Variants in PRKCE observed in about 807,000 individuals in gnomAD.
PRKCE encodes protein kinase C epsilon.
PRKCE carries 16 observed loss-of-function variants against 85.4 expected under a neutral mutation model. The observed-to-expected ratio is 0.19, with a 90% CI of 0.13 to 0.28. PRKCE has a LOEUF of 0.28. Among genes scored for constraint, PRKCE ranks in the 10% least tolerant of loss-of-function variants. The probability of loss-of-function intolerance (pLI) is 1.00; values close to 1 mark genes in which losing one functional copy is unlikely to be tolerated. For missense variants in PRKCE, 573 were observed against 975.2 expected (o/e 0.59, Z 5.49); for synonymous variants, 388 against 371.5 (o/e 1.04, Z -0.51).
intron 1 of PRKCE, among the ~76,000 whole-genome samples, chr2:45,725,581 C>T (rs1398528540): frequency 1.3e-5 from 2 of 152,052 alleles, no homozygotes; most frequent in East Asian, 1.9e-4. Context: ...ATCTGTAATC[C>T]CAGCACTTTG....
rs144485889 is a variant in PRKCE, at chr2:45,907,518, C to T, written c.412+64455C>T. ...AAGCACACTTCTGAGGGCGTCATCGCAGGCCCTGTTCATCTCTCCGGGCAG... is the reference window on the plus strand; with the variant it reads ...AAGCACACTTCTGAGGGCGTCATCGTAGGCCCTGTTCATCTCTCCGGGCAG... On this transcript the variant is annotated intron_variant, in intron 2 of 14. Coordinates refer to ENST00000306156, the MANE Select transcript of PRKCE (RefSeq NM_005400.3). This position sits in a 1 kb window ranked among gnomAD's most constrained non-coding sequence, Gnocchi z 4.5. Among the ~76,000 whole-genome samples the T allele has an allele frequency of 3.3e-5, 5 of 152,358 alleles. No homozygotes were observed. The East Asian group carries it at 9.6e-4, about 29-fold the overall frequency.
At chr2:45,990,098 G>A (rs1703668998) in intron 6 of PRKCE, among the ~76,000 whole-genome samples, 1 of 152,176 alleles carries the variant, frequency 6.6e-6, no homozygotes, top group Admixed American at 6.5e-5. Flanking sequence ...AGTTTCCGCT[G>A]GTCAGAAATC....
chr2:45,770,535 G>A (rs1029647274), intron 1 of PRKCE, among the ~76,000 whole-genome samples: 1 of 152,148 alleles, frequency 6.6e-6, no homozygotes, highest in African/African-American at 2.4e-5. Context: ...TGTTGGTTGA[G>A]CGTCCTACCT....
chr2:46,027,747 A>G (rs1415236944), intron 10 of PRKCE, among the ~76,000 whole-genome samples: 3 of 152,172 alleles, frequency 2.0e-5, no homozygotes, highest in African/African-American at 2.4e-5. Flanking sequence ...TTTTGGCAGT[A>G]TGATCTGTCT....
intron 1 of PRKCE, among the ~76,000 whole-genome samples, chr2:45,683,660 A>G (rs1008168639): frequency 2.0e-5 from 3 of 152,228 alleles, no homozygotes; most frequent in Non-Finnish European, 4.4e-5. Context: ...AGCAGTATTT[A>G]TGGCAAGTTC....
At chr2:46,106,533 G>A (rs1213593727) in intron 11 of PRKCE, among the ~76,000 whole-genome samples, 1 of 152,216 alleles carries the variant, frequency 6.6e-6, no homozygotes, top group African/African-American at 2.4e-5. Flanking sequence ...CTGGAGGCTG[G>A]ATGTTCAAGA....
At chr2:45,811,444 C>T (rs370514448) in intron 1 of PRKCE, among the ~76,000 whole-genome samples, 16 of 152,150 alleles carry the variant, frequency 1.1e-4, no homozygotes, top group African/African-American at 3.6e-4. Flanking sequence ...GTTTGTGAAT[C>T]CATAGATTCT....
At chr2:45,664,475 G>A (rs2103778742) in intron 1 of PRKCE, among the ~76,000 whole-genome samples, 2 of 152,308 alleles carry the variant, frequency 1.3e-5, no homozygotes, top group South Asian at 4.1e-4. Context: ...GCTTCTGTTT[G>A]GGGATTTTAT....
At chr2:45,778,361 C>A (rs753955784) in intron 1 of PRKCE, among the ~76,000 whole-genome samples, 2 of 152,108 alleles carry the variant, frequency 1.3e-5, no homozygotes, top group Admixed American at 1.3e-4. Flanking sequence ...CATGCCTGGC[C>A]GCTTAGCTCC....
intron 10 of PRKCE, among the ~76,000 whole-genome samples, chr2:46,038,458 C>A (rs542303516): frequency 6.6e-6 from 1 of 152,032 alleles, no homozygotes; most frequent in African/African-American, 2.4e-5. Flanking sequence ...GGATATCTCA[C>A]GGGCCAAAAG....
Position 46,076,807 on chromosome 2 carries a change from A to T in PRKCE, c.1438-9401A>T, listed in dbSNP as rs1365118606. On this transcript the variant is annotated intron_variant, in intron 10 of 14. Transcript: ENST00000306156. ...CCATGTCTACAGGCAATGGAATATT[A>T]TTTAACCTTAAAAAAAGAAAGAAAT... 2.6e-5 allele frequency among the ~76,000 whole-genome samples: 4 copies of T among 152,338 alleles called. No homozygotes were observed. In the East Asian group the frequency reaches 7.7e-4, roughly 29 times the overall value.
intron 12 of PRKCE, among the ~76,000 whole-genome samples, chr2:46,149,311 T>A (rs965137576): frequency 6.6e-6 from 1 of 152,180 alleles, no homozygotes; most frequent in African/African-American, 2.4e-5. Context: ...TTTGCCTTTT[T>A]TTTTCAGGGT....
intron 11 of PRKCE, among the ~76,000 whole-genome samples, chr2:46,107,603 G>C (rs535987976): frequency 2.0e-5 from 3 of 152,346 alleles, no homozygotes; most frequent in African/African-American, 7.2e-5. Flanking sequence ...TTATATGGAA[G>C]ACTGTGCTTA....
intron 2 of PRKCE, among the ~76,000 whole-genome samples, chr2:45,933,464 CTTTT>C (rs59991455): frequency 3.1e-5 from 2 of 65,362 alleles, no homozygotes; most frequent in East Asian, 8.4e-4. Context: ...CATATGCCTG[CTTTT>C]TTTTTTTTTT....
At chr2:45,684,263 A>C (rs1178543097) in intron 1 of PRKCE, among the ~76,000 whole-genome samples, 2 of 152,244 alleles carry the variant, frequency 1.3e-5, no homozygotes, top group Non-Finnish European at 2.9e-5. Flanking sequence ...TTTTGAATCT[A>C]GACCTCTTTG....
intron 1 of PRKCE, among the ~76,000 whole-genome samples, chr2:45,789,835 G>A (rs553470401): frequency 3.3e-5 from 5 of 152,192 alleles, no homozygotes; most frequent in South Asian, 4.1e-4. Flanking sequence ...TGAGAAGCTC[G>A]GAATTTTAAA....
At chr2:45,756,277 C>A (rs1573221194) in intron 1 of PRKCE, among the ~76,000 whole-genome samples, 2 of 152,212 alleles carry the variant, frequency 1.3e-5, no homozygotes, top group Middle Eastern at 6.8e-3. Context: ...GATGATAGGG[C>A]AGAGAGGAAG....
chr2:46,076,794 G>A (rs58396617), intron 10 of PRKCE, among the ~76,000 whole-genome samples: 17,403 of 152,046 alleles, frequency 0.11, 1,268 homozygotes, highest in African/African-American at 0.2. Context: ...ATGTCTACAG[G>A]CAATGGAATA....
chr2:46,121,852 G>C (rs1004100361), intron 11 of PRKCE, among the ~76,000 whole-genome samples: 9 of 152,184 alleles, frequency 5.9e-5, no homozygotes, highest in Non-Finnish European at 1.5e-5. Flanking sequence ...AGACAGCACT[G>C]TTCTTTCTTG....
Sources: allele counts gnomAD v4.1 joint callset (sites outside exome capture counted in the v4.1 genomes callset), GRCh38; gene constraint gnomAD v4.1.1; non-coding constraint Gnocchi (gnomAD v3.1); transcripts MANE v1.5; gene names NCBI Gene and HGNC (gene_info 2026-07-23, HGNC 2026-07-21).